Variants in HEBP2 observed in about 807,000 individuals in gnomAD.
HEBP2 encodes heme-binding protein 2.
In HEBP2, 27 loss-of-function variants were observed where a neutral mutation model predicts 23.1. That is an observed-to-expected ratio of 1.17 (90% CI 0.86 to 1.61). The LOEUF (loss-of-function observed/expected upper bound fraction) is 1.61. Ranked by LOEUF, HEBP2 falls within the 40% of genes most tolerant of loss-of-function variation. The probability of loss-of-function intolerance (pLI) is 0.00; values close to 1 mark genes in which losing one functional copy is unlikely to be tolerated. For synonymous variants in HEBP2, 99 were observed against 95.1 expected (o/e 1.04, Z -0.24); for missense variants, 245 against 253.8 (o/e 0.97, Z 0.24).
intron 3 of HEBP2, 25 bp from the exon 4 acceptor site, chr6:138,412,855 C>T (rs768442062): frequency 1.8e-5 from 29 of 1,590,268 alleles, no homozygotes; most frequent in South Asian, 2.2e-5. Context: ...AAATCATTCA[C>T]GGTTATTTCC....
chr6:138,407,735 C>T lies in HEBP2; in HGVS notation c.419+1584C>T, dbSNP rs537028370. On this transcript the variant is annotated intron_variant, in intron 3 of 3. Transcript: ENST00000607197. The stretch of plus-strand genomic sequence containing the variant: ...ACATACCCAAGGCCCTGGGCAGCTC[C>T]ATCCTTCAAGGTGGAGGTAGCCACA... Among the ~76,000 whole-genome samples, 124 of 152,350 alleles carry T rather than the reference C, an allele frequency of 8.1e-4. 2 individuals carry two copies. The highest frequency in any genetic ancestry group is 2.9e-4 in the Non-Finnish European group (20 of 68,030).
At position 138,412,877 on chromosome 6, in the gene HEBP2, T is replaced by C. The variant is rs559434199; in HGVS notation, c.420-3T>C. On this transcript the variant is annotated splice_polypyrimidine_tract_variant and splice_region_variant and intron_variant, in intron 3 of 3. Transcript: ENST00000607197. ...TCACGGTTATTTCCTTTCTCCTTTG[T>C]AGGTCTTTCGATGGATTTTCTAGTG... is the stretch of plus-strand genomic sequence containing the variant. The C allele has an allele frequency of 2.0e-4, 318 of 1,611,182 alleles. 5 individuals carry two copies. Among genetic ancestry groups the C allele is most frequent in the South Asian group, 1.9e-3 (171 of 90,978 alleles).
intron 3 of HEBP2, chr6:138,412,047 A>C (rs1321923393): frequency 2.2e-6 from 1 of 449,686 alleles, no homozygotes; most frequent in African/African-American, 2.0e-5. Context: ...ACTGTATCAT[A>C]TTCATCTGTA....
At position 138,422,166 on chromosome 6, in the gene HEBP2, TTATG is replaced by T. The variant is rs1467881493; in HGVS notation, c.*9092_*9095del. 6.6e-6 allele frequency: 1 copy of T among 152,250 alleles called. No individual in the cohort carries two copies. Among genetic ancestry groups the T allele is most frequent in the Non-Finnish European group, 1.5e-5 (1 of 68,042 alleles). The allele number at this position is 152,250 out of a possible 1,614,324, so 9.4% of individuals were successfully genotyped here. A position where few individuals can be genotyped will look rare whatever the true frequency, so the allele number is the denominator to read the frequency against. ...TTGCTTTATCTTATCTTTGCATAAA[TTATG>T]TATTATTAAAGGTTTCTGATATCCA... is the stretch of plus-strand genomic sequence containing the variant. On this transcript the variant is annotated 3_prime_UTR_variant, in exon 4 of 4. Coordinates refer to ENST00000607197, the MANE Select transcript of HEBP2 (RefSeq NM_014320.3).
chr6:138,405,962 A>G lies in HEBP2; in HGVS notation c.239-9A>G, dbSNP rs1371904796. ...ATACACTAAATTTGCTTTCATTTTT[A>G]TGTCACAGAGATGAAAATAAAGATG... On this transcript the variant is annotated splice_polypyrimidine_tract_variant and intron_variant, in intron 2 of 3. Coordinates refer to ENST00000607197, the MANE Select transcript of HEBP2 (RefSeq NM_014320.3). 1.2e-6 allele frequency: 2 copies of G among 1,604,898 alleles called. No individual in the cohort carries two copies. The highest frequency in any genetic ancestry group is 1.7e-5 in the Admixed American group (1 of 58,202).
chr6:138,404,474 T>A lies in HEBP2; in HGVS notation c.-22T>A. ...GGGGCCTCTGCGCGGCTGACCAGGC[T>A]CCCAGAGCGTCAGCGCCGCCCATGG... On this transcript the variant is annotated 5_prime_UTR_variant, in exon 1 of 4. Transcript: ENST00000607197. The A allele has an allele frequency of 7.9e-7, 1 of 1,259,018 alleles. No individual in the cohort carries two copies. The highest frequency in any genetic ancestry group is 1.0e-6 in the Non-Finnish European group (1 of 1,002,164). The allele number at this position is 1,259,018 out of a possible 1,614,324, so 78.0% of individuals were successfully genotyped here.
intron 3 of HEBP2, among the ~76,000 whole-genome samples, chr6:138,409,792 C>T (rs1469003032): frequency 6.6e-6 from 1 of 152,224 alleles, no homozygotes; most frequent in Admixed American, 6.5e-5. Context: ...CCCTTCCCAC[C>T]ACTTGGGCTT....
Position 138,412,891 on chromosome 6 carries a change from G to A in HEBP2, c.431G>A (p.Gly144Glu), listed in dbSNP as rs376359576. ...TTTCTCCTTTGTAGGTCTTTCGATG[G>A]ATTTTCTAGTGCCCAAAAGAATCAA... ...EMTVFVRSFD[G>E]FSSAQKNQEQ... is the part of the protein sequence containing the mutation. The change falls in exon 4 of 4, where the codon GGA becomes GAA. Residue 144 changes from glycine to glutamate, a missense_variant. By Grantham distance (98) the Gly-to-Glu change is moderately conservative. Coordinates refer to ENST00000607197, the MANE Select transcript of HEBP2 (RefSeq NM_014320.3). The A allele has an allele frequency of 6.8e-6, 11 of 1,613,314 alleles. No homozygotes were observed. In the African/African-American group the frequency reaches 1.5e-4, roughly 22 times the overall value.
At chr6:138,409,391 C>A (rs1195997952) in intron 3 of HEBP2, among the ~76,000 whole-genome samples, 1 of 152,170 alleles carries the variant, frequency 6.6e-6, no homozygotes, top group Non-Finnish European at 1.5e-5. Context: ...CAAATCTGGC[C>A]CATTCACCTC....
intron 2 of HEBP2, among the ~76,000 whole-genome samples, chr6:138,405,753 A>G (rs1033896056): frequency 6.6e-6 from 1 of 152,212 alleles, no homozygotes; most frequent in Non-Finnish European, 1.5e-5. Flanking sequence ...AAAATTAAGA[A>G]TTTATTAACC....
rs190075505 is a variant in HEBP2, at chr6:138,406,877, A to C, written c.419+726A>C. On this transcript the variant is annotated intron_variant, in intron 3 of 3. Transcript: ENST00000607197. ...CCCCATCTCTACCAAATGTATATAT[A>C]TATATTAGCCAGGCCTGGTGGCACA... Among the ~76,000 whole-genome samples the C allele has an allele frequency of 4.6e-3, 700 of 152,084 alleles. 7 individuals are homozygous for C. The highest frequency in any genetic ancestry group is 0.016 in the African/African-American group (653 of 41,476).
Position 138,415,873 on chromosome 6 carries a change from C to G in HEBP2, c.*2795C>G, listed in dbSNP as rs1285061789. The G allele has an allele frequency of 3.3e-5, 5 of 152,166 alleles. No homozygotes were observed. The highest frequency in any genetic ancestry group is 9.7e-5 in the African/African-American group (4 of 41,430). The allele number at this position is 152,166 out of a possible 1,614,324, so 9.4% of individuals were successfully genotyped here. A position where few individuals can be genotyped will look rare whatever the true frequency, so the allele number is the denominator to read the frequency against. On this transcript the variant is annotated 3_prime_UTR_variant, in exon 4 of 4. Coordinates refer to ENST00000607197, the MANE Select transcript of HEBP2 (RefSeq NM_014320.3). ...GAGGCCCACCCTTCCCCATGAAGAGCTGGAACTACCCTCCCTTCCTGCCTC... is the reference window on the plus strand; with the variant it reads ...GAGGCCCACCCTTCCCCATGAAGAGGTGGAACTACCCTCCCTTCCTGCCTC...
At position 138,406,061 on chromosome 6, in the gene HEBP2, A is replaced by G. The variant is rs1250914644; in HGVS notation, c.329A>G (p.Tyr110Cys). 10 of 1,614,070 alleles carry G rather than the reference A, an allele frequency of 6.2e-6. No homozygotes were observed. Among genetic ancestry groups the G allele is most frequent in the Non-Finnish European group, 8.5e-6 (10 of 1,180,008 alleles). The change falls in exon 3 of 4, where the codon TAT (tyrosine) becomes TGT (cysteine). Residue 110 changes from tyrosine (Y) to cysteine (C), a missense_variant. Transcript: ENST00000607197. ...GAGTCTACCATTACCATTTCCCTGT[A>G]TATTCCCTCTGAACAGCAATTTGAT... is the stretch of plus-strand genomic sequence containing the variant. ...FSESTITISLYIPSEQQFDPP... is the reference protein window; with the variant it reads ...FSESTITISLCIPSEQQFDPP...
Position 138,408,751 on chromosome 6 carries a change from C to T in HEBP2, c.419+2600C>T, listed in dbSNP as rs564257428. Reference sequence around the variant, plus strand: ...TCCGTTGGCTCCTCAGCTCCCTACCCTAGGATCACTGTCGATGCCTGTTTT... The same window carrying T: ...TCCGTTGGCTCCTCAGCTCCCTACCTTAGGATCACTGTCGATGCCTGTTTT... On this transcript the variant is annotated intron_variant, in intron 3 of 3. Coordinates refer to ENST00000607197, the MANE Select transcript of HEBP2 (RefSeq NM_014320.3). Among the ~76,000 whole-genome samples, 17 of 152,300 alleles carry T rather than the reference C, an allele frequency of 1.1e-4. No homozygotes were observed. The South Asian group carries it at 3.3e-3, about 30-fold the overall frequency.
chr6:138,420,444 G>A lies in HEBP2; in HGVS notation c.*7366G>A, dbSNP rs1381164753. On this transcript the variant is annotated 3_prime_UTR_variant, in exon 4 of 4. Coordinates refer to ENST00000607197, the MANE Select transcript of HEBP2 (RefSeq NM_014320.3). Reference sequence around the variant, plus strand: ...GGTGGACCATGGCAGGCATAGAGCGGTGCCACTTAGATCCCCCTTCAAGAC... The same window carrying A: ...GGTGGACCATGGCAGGCATAGAGCGATGCCACTTAGATCCCCCTTCAAGAC... The A allele has an allele frequency of 1.3e-5, 2 of 152,202 alleles. No homozygotes were observed. Among genetic ancestry groups the A allele is most frequent in the Non-Finnish European group, 2.9e-5 (2 of 68,054 alleles). The allele number at this position is 152,202 out of a possible 1,614,324, so 9.4% of individuals were successfully genotyped here.
intron 3 of HEBP2, among the ~76,000 whole-genome samples, chr6:138,407,885 C>T (rs1246447081): frequency 6.6e-6 from 1 of 152,188 alleles, no homozygotes; most frequent in Non-Finnish European, 1.5e-5. Flanking sequence ...GGAGCTGAAC[C>T]TGGGGCATCC....
Position 138,407,055 on chromosome 6 carries a change from T to C in HEBP2, c.419+904T>C, listed in dbSNP as rs114471694. On this transcript the variant is annotated intron_variant, in intron 3 of 3. Coordinates refer to ENST00000607197, the MANE Select transcript of HEBP2 (RefSeq NM_014320.3). ...AAAAAGAAAAATGTATATATGAATT[T>C]TGGGGAGACACAAACATAGAGTTCA... Among the ~76,000 whole-genome samples, 519 of 152,280 alleles carry C rather than the reference T, an allele frequency of 3.4e-3. 5 individuals carry two copies. The highest frequency in any genetic ancestry group is 0.012 in the African/African-American group (494 of 41,544).
rs906397299 is a variant in HEBP2 at position 138,405,426 on chromosome 6, T to C, written c.238+146T>C. The C allele has an allele frequency of 7.9e-6, 8 of 1,008,364 alleles. No homozygotes were observed. In the African/African-American group the frequency reaches 1.1e-4, roughly 14 times the overall value. 62.5% of individuals were successfully genotyped at this position (1,008,364 alleles called of 1,614,324 possible). ...TTGTCTTGTTTTCAGACAAGACTCCTCAGGACCAGGGTTACACTGGGTATT... is the reference window on the plus strand; with the variant it reads ...TTGTCTTGTTTTCAGACAAGACTCCCCAGGACCAGGGTTACACTGGGTATT... On this transcript the variant is annotated intron_variant, in intron 2 of 3. Coordinates refer to ENST00000607197, the MANE Select transcript of HEBP2 (RefSeq NM_014320.3).
intron 3 of HEBP2, among the ~76,000 whole-genome samples, chr6:138,411,303 C>G (rs1774741707): frequency 6.6e-6 from 1 of 152,164 alleles, no homozygotes; most frequent in African/African-American, 2.4e-5. Flanking sequence ...TTCCACTTCC[C>G]CACAGCAGCC....
Sources: allele counts gnomAD v4.1 joint callset (sites outside exome capture counted in the v4.1 genomes callset), GRCh38; gene constraint gnomAD v4.1.1; transcripts MANE v1.5; gene names NCBI Gene and HGNC (gene_info 2026-07-23, HGNC 2026-07-21).